PCDH15: variants seen among roughly 807,000 people sequenced by gnomAD.
The protein encoded by PCDH15 is protocadherin related 15, also known as protocadherin-15.
A neutral mutation model predicts 178.5 loss-of-function variants in PCDH15; 129 were observed. The observed-to-expected ratio is 0.72, with a 90% CI of 0.63 to 0.84. PCDH15 has a LOEUF of 0.84. Ranked by LOEUF, PCDH15 falls within the 40% of genes least tolerant of loss-of-function variation. PCDH15 has a pLI of 0.00. For missense variants in PCDH15, 2,230 were observed against 2,099.9 expected, an observed-to-expected ratio of 1.06 and a Z score of -1.21; for synonymous variants, 800 against 732.0, an observed-to-expected ratio of 1.09 and a Z score of -1.50.
At chr10:54,462,724 G>T (rs1394897536) in intron 3 of PCDH15, among the ~76,000 whole-genome samples, 4 of 133,800 alleles carry the variant, frequency 3.0e-5, no homozygotes, top group Admixed American at 2.3e-4. Flanking sequence ...GTAGAGACAG[G>T]GTTTTGCTAT....
intron 26 of PCDH15, among the ~76,000 whole-genome samples, chr10:53,896,096 TTGA>T (rs1365850028): frequency 6.6e-6 from 1 of 152,122 alleles, no homozygotes; most frequent in African/African-American, 2.4e-5. Flanking sequence ...TTTATTTTAA[TTGA>T]TATTATTTTA....
chr10:54,556,637 T>C (rs962592918), intron 2 of PCDH15, among the ~76,000 whole-genome samples: 2 of 142,114 alleles, frequency 1.4e-5, no homozygotes, highest in African/African-American at 5.1e-5. Context: ...TTTTTTTTTT[T>C]CGGCTGTAGG....
At chr10:54,943,008 T>C (rs1314093348) in intron 2 of PCDH15, among the ~76,000 whole-genome samples, 1 of 151,992 alleles carries the variant, frequency 6.6e-6, no homozygotes, top group African/African-American at 2.4e-5. Flanking sequence ...AGGGAGAATA[T>C]TGCTGAATTT....
rs1002000968 is a variant in PCDH15, at chr10:53,963,976, A to G, written c.2869-2084T>C. ...TGTTAGTAAGGGCAATCTGATCCTA[A>G]AAACATTTCTTTTTTGCCTACTCAT... On this transcript the variant is annotated intron_variant, in intron 21 of 37. Transcript: ENST00000644397. Among the ~76,000 whole-genome samples the G allele has an allele frequency of 6.6e-5, 10 of 152,204 alleles. No homozygotes were observed. In the South Asian group the frequency reaches 8.3e-4, roughly 13 times the overall value.
chr10:54,955,152 T>C (rs931109374), intron 2 of PCDH15, among the ~76,000 whole-genome samples: 4 of 151,302 alleles, frequency 2.6e-5, no homozygotes, highest in African/African-American at 9.7e-5. Flanking sequence ...GCTGGCACTA[T>C]AGCTGTTTTC....
intron 3 of PCDH15, among the ~76,000 whole-genome samples, chr10:54,849,517 C>T (rs544204568): frequency 5.3e-5 from 8 of 152,156 alleles, no homozygotes; most frequent in Non-Finnish European, 8.8e-5. Context: ...CTTTGTCACT[C>T]GGCTCGACTA....
At chr10:55,578,869 C>G (rs2132117667) in intron 2 of PCDH15, among the ~76,000 whole-genome samples, 1 of 152,226 alleles carries the variant, frequency 6.6e-6, no homozygotes, top group South Asian at 2.1e-4. Flanking sequence ...ATCATGAGAA[C>G]AGCAGGGGGA....
intron 3 of PCDH15, among the ~76,000 whole-genome samples, chr10:54,813,858 C>A (rs185130126): frequency 3.9e-5 from 6 of 152,130 alleles, no homozygotes; most frequent in African/African-American, 1.4e-4. Context: ...ATTTCAATAT[C>A]TAGTTTTATC....
rs566895009 is a variant in PCDH15 at position 55,089,877 on chromosome 10, G to A, written c.-80+76699C>T. Among the ~76,000 whole-genome samples, 10 of 151,974 alleles carry A rather than the reference G, an allele frequency of 6.6e-5. No homozygotes were observed. The East Asian group carries it at 9.7e-4, about 15-fold the overall frequency. ...GGAAGTTAATGTTCCTCTTACTTCC[G>A]GTTTTCTAAAAGTAATAAGCATTTT... On this transcript the variant is annotated intron_variant, in intron 2 of 5. Transcript: ENST00000458638.
chr10:55,212,240 C>G (rs1281585647), intron 1 of PCDH15, among the ~76,000 whole-genome samples: 2 of 152,082 alleles, frequency 1.3e-5, no homozygotes, highest in Non-Finnish European at 2.9e-5. Flanking sequence ...TTTTCACAGC[C>G]TATGCAAATG....
intron 25 of PCDH15, among the ~76,000 whole-genome samples, chr10:53,919,425 A>G (rs1018509482): frequency 2.6e-5 from 4 of 152,212 alleles, no homozygotes; most frequent in African/African-American, 9.6e-5. Flanking sequence ...AAACAACATC[A>G]CTGACAGAAA....
chr10:54,621,559 G>A (rs7088335), intron 2 of PCDH15, among the ~76,000 whole-genome samples: 4,555 of 152,034 alleles, frequency 0.03, 217 homozygotes, highest in African/African-American at 0.099. Flanking sequence ...CAAAATCCGT[G>A]TAATTCTCTG....
intron 2 of PCDH15, among the ~76,000 whole-genome samples, chr10:55,505,560 G>T (rs1367893426): frequency 6.6e-6 from 1 of 151,192 alleles, no homozygotes; most frequent in Non-Finnish European, 1.5e-5. Context: ...TATATGGAAG[G>T]TAGGAGTCCA....
intron 2 of PCDH15, among the ~76,000 whole-genome samples, chr10:55,055,577 T>A (rs1235642281): frequency 6.6e-6 from 1 of 152,064 alleles, no homozygotes; most frequent in Non-Finnish European, 1.5e-5. Context: ...CTGAGGCAGG[T>A]GGATACCTTG....
intron 2 of PCDH15, among the ~76,000 whole-genome samples, chr10:55,340,279 T>G (rs1844516349): frequency 6.6e-6 from 1 of 151,414 alleles, no homozygotes; most frequent in Non-Finnish European, 1.5e-5. Flanking sequence ...TTATATATGG[T>G]ATTTTTACAT....
At chr10:55,006,695 T>C (rs1922143) in intron 2 of PCDH15, among the ~76,000 whole-genome samples, 120,164 of 152,208 alleles carry the variant, frequency 0.79, 47,733 homozygotes, top group African/African-American at 0.87. Flanking sequence ...CAGAGCTGCT[T>C]AAGGTCTTTG....
At chr10:54,321,939 T>C (rs904107411) in intron 7 of PCDH15, among the ~76,000 whole-genome samples, 3 of 151,838 alleles carry the variant, frequency 2.0e-5, no homozygotes, top group African/African-American at 7.2e-5. Flanking sequence ...CATAGGAAAA[T>C]ATATAAAAAT....
At chr10:55,188,720 T>C (rs974364224) in intron 1 of PCDH15, among the ~76,000 whole-genome samples, 1 of 151,926 alleles carries the variant, frequency 6.6e-6, no homozygotes, top group Non-Finnish European at 1.5e-5. Context: ...AAATTCTCAC[T>C]TTCTTAAAAA....
At chr10:54,257,970 C>T (rs985363104) in intron 8 of PCDH15, among the ~76,000 whole-genome samples, 1 of 152,010 alleles carries the variant, frequency 6.6e-6, no homozygotes, top group African/African-American at 2.4e-5. Flanking sequence ...TTAAGTTGAC[C>T]TACTGCATGA....
Sources: gnomAD v4.1 joint callset for allele counts (sites outside exome capture counted in the v4.1 genomes callset) on GRCh38, gnomAD v4.1.1 for gene constraint, MANE v1.5 for transcripts, NCBI Gene and HGNC (gene_info 2026-07-23, HGNC 2026-07-21) for gene names.